The following CD300LF variants were observed in gnomAD, a reference collection of about 807,000 sequenced individuals.
CD300LF encodes the protein CMRF35-like molecule 1.
CD300LF carries 27 observed loss-of-function variants against 32.2 expected under a neutral mutation model. That is an observed-to-expected ratio of 0.84 (90% CI 0.62 to 1.15). CD300LF has a LOEUF of 1.15. Ranked by LOEUF, CD300LF falls within the 50% of genes most tolerant of loss-of-function variation. The probability of loss-of-function intolerance (pLI) is 0.00; values close to 1 mark genes in which losing one functional copy is unlikely to be tolerated. For synonymous variants in CD300LF, 139 were observed against 143.2 expected, an observed-to-expected ratio of 0.97 and a Z score of 0.21; for missense variants, 348 against 356.8, an observed-to-expected ratio of 0.98 and a Z score of 0.20.
chr17:74,711,282 A>T (rs2143935520), intron 1 of CD300LF, among the ~76,000 whole-genome samples: 1 of 152,176 alleles, frequency 6.6e-6, no homozygotes, highest in East Asian at 1.9e-4. Flanking sequence ...CCCACTTCAG[A>T]CAGAGGTCCC....
chr17:74,703,289 CCTGGTCT>C (rs1429610745), intron 2 of CD300LF, 191 bp from the exon 3 acceptor site: 2 of 632,218 alleles, frequency 3.2e-6, no homozygotes, highest in Non-Finnish European at 5.5e-6. Context: ...CTCATGTCTC[CCTGGTCT>C]CTAGGAGACT....
Position 74,695,261 on chromosome 17 carries a change from AGGC to A in CD300LF, c.718-13_718-11del, listed in dbSNP as rs1012214269. ...CCTTCGGCAAGGAAGCCTGCAGCAA[AGGC>A]GGGCTCCAGGTCAGAGAGGACGGCA... On this transcript the variant is annotated splice_polypyrimidine_tract_variant and intron_variant, in intron 6 of 6. Transcript: ENST00000326165. The A allele has an allele frequency of 1.9e-6, 3 of 1,613,666 alleles. No homozygotes were observed. The African/African-American group carries it at 4.0e-5, about 22-fold the overall frequency.
chr17:74,704,329 C>T (rs2033329255), intron 2 of CD300LF, 149 bp downstream of exon 2: 1 of 639,140 alleles, frequency 1.6e-6, no homozygotes, highest in African/African-American at 1.8e-5. Context: ...GCCCTGCTCC[C>T]CCAGTCCCAG....
intron 4 of CD300LF, among the ~76,000 whole-genome samples, chr17:74,696,975 CTT>C (rs1216494799): frequency 1.3e-5 from 2 of 151,966 alleles, no homozygotes; most frequent in Admixed American, 1.3e-4. Flanking sequence ...GAGTTTCTCT[CTT>C]GTCACCCATG....
In CD300LF at chr17:74,711,647, G is replaced by A. The variant is rs145781003; in HGVS notation, c.43+1177C>T. On this transcript the variant is annotated intron_variant, in intron 1 of 6. Transcript: ENST00000326165. ...AGTCCAAGCTCATTCCTACACAAGA[G>A]CCCTCGTATCTACTGTTCCCTGTGC... Among the ~76,000 whole-genome samples, 434 of 152,202 alleles carry A rather than the reference G, an allele frequency of 2.9e-3. 8 individuals are homozygous for A. Among genetic ancestry groups the A allele is most frequent in the Non-Finnish European group, 1.1e-3 (72 of 68,024 alleles).
chr17:74,704,816 C>G lies in CD300LF; in HGVS notation c.44G>C (p.Gly15Ala), dbSNP rs958751860. The G allele has an allele frequency of 3.1e-6, 5 of 1,607,912 alleles. No homozygotes were observed. Among genetic ancestry groups the G allele is most frequent in the East Asian group, 2.2e-5 (1 of 44,774 alleles). The change falls in exon 2 of 7, where the codon GGC becomes GCC. Residue 15 changes from glycine to alanine, a missense_variant and splice_region_variant. Coordinates refer to ENST00000326165, the MANE Select transcript of CD300LF (RefSeq NM_139018.5). ...TLYLLLFWLSGYSIVTQITGP... is the reference protein window; with the variant it reads ...TLYLLLFWLSAYSIVTQITGP... ...GGTGATTTGAGTGACAATGGAGTAG[C>G]CTGGAAAACACAAATTCATGTGCTG...
chr17:74,705,181 G>A (rs1016506346), intron 1 of CD300LF: 11 of 696,256 alleles, frequency 1.6e-5, no homozygotes, highest in Non-Finnish European at 2.6e-5. Flanking sequence ...AATACCAGGA[G>A]ACCCCTTTCC....
At chr17:74,704,868 A>G (rs774412683) in intron 1 of CD300LF, 52 bp from the exon 2 acceptor site, 1 of 1,434,254 alleles carries the variant, frequency 7.0e-7, no homozygotes, top group Non-Finnish European at 9.6e-7. Flanking sequence ...GGGCAGGGCC[A>G]CAGCTTTCTG....
At chr17:74,695,392 C>G in intron 6 of CD300LF, 141 bp from the exon 7 acceptor site, 1 of 1,006,388 alleles carries the variant, frequency 9.9e-7, no homozygotes, top group Middle Eastern at 2.5e-4. Context: ...TCCCCCTTCA[C>G]TCTGCCAAGC....
Position 74,698,460 on chromosome 17 carries a change from A to T in CD300LF, c.468T>A (p.Ser156Arg). ...TGGTGAAGATGAGGGGCAGGAGGAC[A>T]CTGAGCTTCAGGAGCTTGTGCCTAG... ...LDNRHKLLKL[S>R]VLLPLIFTIL... The change falls in exon 4 of 7, where the codon AGT (serine) becomes AGA (arginine). Residue 156 changes from serine to arginine, a missense_variant. Coordinates refer to ENST00000326165, the MANE Select transcript of CD300LF (RefSeq NM_139018.5). The T allele has an allele frequency of 6.2e-7, 1 of 1,613,944 alleles. No homozygotes were observed. Among genetic ancestry groups the T allele is most frequent in the East Asian group, 2.2e-5 (1 of 44,878 alleles).
intron 1 of CD300LF, among the ~76,000 whole-genome samples, chr17:74,706,721 G>A (rs577489119): frequency 1.9e-4 from 29 of 152,254 alleles, no homozygotes; most frequent in African/African-American, 6.5e-4. Flanking sequence ...AACAACCAAC[G>A]GCGCGGACAG....
In CD300LF at chr17:74,704,607, T is replaced by C; in HGVS notation, c.253A>G (p.Asn85Asp). 6.2e-7 allele frequency: 1 copy of C among 1,614,220 alleles called. No homozygotes were observed. Among genetic ancestry groups the C allele is most frequent in the South Asian group, 1.1e-5 (1 of 91,082 alleles). ...ACAGTGAACGTGCGGTTTTTCTGATTGTCCTTGATGGACACCCGGTCCCTC... is the reference window on the plus strand; with the variant it reads ...ACAGTGAACGTGCGGTTTTTCTGATCGTCCTTGATGGACACCCGGTCCCTC... ...VKRDRVSIKDNQKNRTFTVTM... is the reference protein window; with the variant it reads ...VKRDRVSIKDDQKNRTFTVTM... The change falls in exon 2 of 7, where the codon AAT becomes GAT. Residue 85 changes from asparagine (N) to aspartate (D), a missense_variant. By Grantham distance (23) the Asn-to-Asp change is conservative. Transcript: ENST00000326165.
chr17:74,695,943 C>T, intron 5 of CD300LF, 84 bp from the exon 6 acceptor site: 1 of 1,481,680 alleles, frequency 6.7e-7, no homozygotes, highest in Non-Finnish European at 9.2e-7. Flanking sequence ...GGGACGAGAG[C>T]CTCTCCACTT....
At chr17:74,698,586 G>A (rs767800099) in intron 3 of CD300LF, 105 bp from the exon 4 acceptor site, 458 of 1,517,406 alleles carry the variant, frequency 3.0e-4, no homozygotes, top group Non-Finnish European at 3.8e-4. Context: ...CTGATGAGCT[G>A]CAGGTCTGTA....
At chr17:74,698,300 T>G in intron 4 of CD300LF, 69 bp downstream of exon 4, 1 of 1,064,082 alleles carries the variant, frequency 9.4e-7, no homozygotes, top group Non-Finnish European at 1.4e-6. Context: ...TTGGACCAGA[T>G]AGCTCCCAGA....
chr17:74,704,383 A>AATTG, intron 2 of CD300LF, 95 bp downstream of exon 2: 1 of 915,710 alleles, frequency 1.1e-6, no homozygotes, highest in Non-Finnish European at 1.7e-6. Context: ...CAAGTGATAG[A>AATTG]TCACTCAGTG....
Position 74,697,055 on chromosome 17 carries a change from C to T in CD300LF, c.560-838G>A, listed in dbSNP as rs1265845006. On this transcript the variant is annotated intron_variant, in intron 4 of 6. Coordinates refer to ENST00000326165, the MANE Select transcript of CD300LF (RefSeq NM_139018.5). The stretch of plus-strand genomic sequence containing the variant: ...CTCCTGGGTTCAAGCGATTCTCCTG[C>T]CTTAGCCTCCTGAGTAGCTGGAACT... 1.3e-5 allele frequency among the ~76,000 whole-genome samples: 2 copies of T among 152,194 alleles called. 1 individual carries two copies.
At chr17:74,706,842 T>A (rs1252346309) in intron 1 of CD300LF, among the ~76,000 whole-genome samples, 1 of 152,018 alleles carries the variant, frequency 6.6e-6, no homozygotes, top group Non-Finnish European at 1.5e-5. Flanking sequence ...CCAGCCCGGG[T>A]CCTGGGGAAA....
chr17:74,712,514 G>A (rs1357228703), intron 1 of CD300LF, among the ~76,000 whole-genome samples: 7 of 152,186 alleles, frequency 4.6e-5, no homozygotes, highest in African/African-American at 1.7e-4. Context: ...TCAGGCAGTC[G>A]CCTGCTCTCC....
Sources: allele counts gnomAD v4.1 joint callset (sites outside exome capture counted in the v4.1 genomes callset), GRCh38; gene constraint gnomAD v4.1.1; transcripts MANE v1.5; gene names NCBI Gene and HGNC (gene_info 2026-07-23, HGNC 2026-07-21).